Variants in IL24 observed in about 807,000 individuals in gnomAD.
IL24 encodes the protein interleukin-24.
IL24 carries 24 observed loss-of-function variants against 27.6 expected under a neutral mutation model. The observed-to-expected ratio is 0.87, with a 90% CI of 0.63 to 1.22. The LOEUF is 1.22. Among genes scored for constraint, IL24 ranks in the 50% most tolerant of loss-of-function variants. IL24 has a pLI of 0.00. For missense variants in IL24, 240 were observed against 237.0 expected (o/e 1.01, Z -0.08); for synonymous variants, 99 against 93.1 (o/e 1.06, Z -0.36).
At chr1:206,897,903 AG>A in intron 2 of IL24, 27 bp downstream of exon 2, 2 of 1,534,254 alleles carry the variant, frequency 1.3e-6, no homozygotes, top group Non-Finnish European at 1.8e-6. Flanking sequence ...CTGTAATCCC[AG>A]AACTTTGGGA....
In IL24 at chr1:206,897,754, G is replaced by T; in HGVS notation, c.-79G>T. On this transcript the variant is annotated 5_prime_UTR_variant, in exon 2 of 7. Coordinates refer to ENST00000294984, the MANE Select transcript of IL24 (RefSeq NM_006850.3). ...AGGGACAAGACATGACTGTGATGAG[G>T]AGCTGCTTTCGCCAATTTAACACCA... is the stretch of plus-strand genomic sequence containing the variant. 1 of 1,483,958 alleles carries T rather than the reference G, an allele frequency of 6.7e-7. No individual in the cohort carries two copies. The highest frequency in any genetic ancestry group is 1.2e-5 in the South Asian group (1 of 86,600). The allele number at this position is 1,483,958 out of a possible 1,614,324, so 91.9% of individuals were successfully genotyped here. A position where few individuals can be genotyped will look rare whatever the true frequency, so the allele number is the denominator to read the frequency against.
chr1:206,900,358 G>T lies in IL24; in HGVS notation c.303+1G>T. The T allele has an allele frequency of 6.2e-7, 1 of 1,613,984 alleles. No individual in the cohort carries two copies. Among genetic ancestry groups the T allele is most frequent in the Non-Finnish European group, 8.5e-7 (1 of 1,179,870 alleles). ...GCAGGAGGTTCTGCAGAACGTCTCG[G>T]TAATCAGACCTCGGGGACACCACCC... On this transcript the variant is annotated splice_donor_variant, in intron 4 of 6. Transcript: ENST00000294984. LOFTEE classifies it high-confidence loss of function.
Position 206,899,339 on chromosome 1 carries a change from C to A in IL24, c.64C>A (p.Leu22Met), listed in dbSNP as rs758243163. Residue 22 changes from leucine (L) to methionine (M), a missense_variant, in exon 3 of 7, where the codon CTG becomes ATG. Transcript: ENST00000294984. The part of the protein sequence containing the change: ...TLARPFCPPL[L>M]ATASQMQMVV... ...CAGCAGACCCTTCTGCCCTCCTTTG[C>A]TGGCGACAGCCTCTCAAATGCAGAT... 10 of 1,614,010 alleles carry A rather than the reference C, an allele frequency of 6.2e-6. No individual in the cohort carries two copies. The highest frequency in any genetic ancestry group is 8.5e-6 in the Non-Finnish European group (10 of 1,179,944).
At position 206,901,593 on chromosome 1, in the gene IL24, A is replaced by C. The variant is rs745809757; in HGVS notation, c.403A>C (p.Lys135Gln). The C allele has an allele frequency of 6.2e-7, 1 of 1,614,218 alleles. No homozygotes were observed. Among genetic ancestry groups the C allele is most frequent in the Non-Finnish European group, 8.5e-7 (1 of 1,180,030 alleles). ...HNRTVEVRTLKSFSTLANNFV... is the reference protein window; with the variant it reads ...HNRTVEVRTLQSFSTLANNFV... ...TAGAACAGTTGAAGTCAGGACTCTG[A>C]AGTCATTCTCTACTCTGGCCAACAA... Residue 135 changes from lysine to glutamine, a missense_variant, in exon 5 of 7, where the codon AAG (lysine) becomes CAG (glutamine). By Grantham distance (53) the Lys-to-Gln change is moderately conservative (BLOSUM62 1). Transcript: ENST00000294984.
chr1:206,902,060 A>G lies in IL24; in HGVS notation c.525A>G (p.Arg175=). 1.2e-6 allele frequency: 2 copies of G among 1,614,088 alleles called. No individual in the cohort carries two copies. The highest frequency in any genetic ancestry group is 1.1e-5 in the South Asian group (1 of 91,084). The change falls in exon 6 of 7, where the codon AGA becomes AGG. Residue 175 remains arginine (R), a synonymous_variant. Transcript: ENST00000294984. Reference sequence around the variant, plus strand: ...ACAGGCGGTTTCTGCTATTCCGGAGAGCATTCAAACAGGTAAGGCCAAGAG... The same window carrying G: ...ACAGGCGGTTTCTGCTATTCCGGAGGGCATTCAAACAGGTAAGGCCAAGAG... The part of the protein sequence containing the change: ...SAHRRFLLFR[R]AFKQLDVEAA...
intron 6 of IL24, chr1:206,902,393 ACCCCAC>A (rs988709648): frequency 4.2e-5 from 17 of 401,254 alleles, no homozygotes; most frequent in African/African-American, 1.4e-4. Context: ...GAAGGGAGAC[ACCCCAC>A]CCCCACCCCC....
At chr1:206,898,380 C>A (rs1372971342) in intron 2 of IL24, among the ~76,000 whole-genome samples, 1 of 151,032 alleles carries the variant, frequency 6.6e-6, no homozygotes, top group Non-Finnish European at 1.5e-5. Context: ...CCAGTGCCTG[C>A]AGTAAGAAAG....
At position 206,900,327 on chromosome 1, in the gene IL24, G is replaced by C. The variant is rs1244419633; in HGVS notation, c.273G>C (p.Leu91=). The part of the protein sequence containing the change: ...QAQDNITSAR[L]LQQEVLQNVS... ...AGGATAACATCACGAGTGCCCGGCT[G>C]CTGCAGCAGGAGGTTCTGCAGAACG... The change falls in exon 4 of 7, where the codon CTG becomes CTC. Residue 91 remains leucine (L), a synonymous_variant. Transcript: ENST00000294984. 6.2e-7 allele frequency: 1 copy of C among 1,613,984 alleles called. No homozygotes were observed.
intron 5 of IL24, 64 bp downstream of exon 5, chr1:206,901,716 G>T: frequency 7.0e-7 from 1 of 1,424,924 alleles, no homozygotes; most frequent in Non-Finnish European, 9.8e-7. Context: ...CTTCCAATCT[G>T]CTGGGTGACC....
At chr1:206,899,639 C>T in intron 3 of IL24, 124 bp downstream of exon 3, 1 of 748,890 alleles carries the variant, frequency 1.3e-6, no homozygotes, top group Non-Finnish European at 2.0e-6. Flanking sequence ...TTTCCAGTTT[C>T]CCATATAATA....
At chr1:206,898,491 G>A (rs1213950981) in intron 2 of IL24, among the ~76,000 whole-genome samples, 4 of 152,068 alleles carry the variant, frequency 2.6e-5, no homozygotes, top group Admixed American at 6.6e-5. Context: ...TAAGGAGGGA[G>A]GGAGGGAGAG....
chr1:206,898,281 G>C (rs958847201), intron 2 of IL24, among the ~76,000 whole-genome samples: 1 of 151,682 alleles, frequency 6.6e-6, no homozygotes, highest in Non-Finnish European at 1.5e-5. Flanking sequence ...AGGGGTCGCC[G>C]CCTCCCTAGC....
rs759570553 is a variant in IL24, at chr1:206,902,037, A to G, written c.502A>G (p.Arg168Gly). ...GTTTTCCATCAGAGACAGTGCACACAGGCGGTTTCTGCTATTCCGGAGAGC... is the reference window on the plus strand; with the variant it reads ...GTTTTCCATCAGAGACAGTGCACACGGGCGGTTTCTGCTATTCCGGAGAGC... Reference protein sequence around the residue: ...EMFSIRDSAHRRFLLFRRAFK... With the variant: ...EMFSIRDSAHGRFLLFRRAFK... The change falls in exon 6 of 7, where the codon AGG becomes GGG. Residue 168 changes from arginine to glycine, a missense_variant. Coordinates refer to ENST00000294984, the MANE Select transcript of IL24 (RefSeq NM_006850.3). The G allele has an allele frequency of 6.2e-7, 1 of 1,614,146 alleles. No individual in the cohort carries two copies. The highest frequency in any genetic ancestry group is 2.2e-5 in the East Asian group (1 of 44,888).
rs1419956380 is a variant in IL24 at position 206,903,308 on chromosome 1, AT to A, written c.*250del. On this transcript the variant is annotated 3_prime_UTR_variant, in exon 7 of 7. Transcript: ENST00000294984. ...TATTTATTACAACTCTATTTAATTA[AT>A]GTCAGTATTTCAACTGAAGTTCTAT... 1 of 424,396 alleles carries A rather than the reference AT, an allele frequency of 2.4e-6. No homozygotes were observed. The allele number at this position is 424,396 out of a possible 1,614,324, so 26.3% of individuals were successfully genotyped here. A position where few individuals can be genotyped will look rare whatever the true frequency, so the allele number is the denominator to read the frequency against.
At chr1:206,899,568 G>T in intron 3 of IL24, 53 bp downstream of exon 3, 1 of 1,416,838 alleles carries the variant, frequency 7.1e-7, no homozygotes. Context: ...GGGGCAGTGG[G>T]CCAGTGGGGC....
At chr1:206,902,185 C>G in intron 6 of IL24, 113 bp downstream of exon 6, 2 of 1,476,762 alleles carry the variant, frequency 1.4e-6, no homozygotes, top group East Asian at 2.4e-5. Context: ...ACACCATCAG[C>G]TTTGCTCCAA....
At chr1:206,901,385 T>A (rs1473878490) in intron 4 of IL24, 109 bp from the exon 5 acceptor site, 2 of 1,227,294 alleles carry the variant, frequency 1.6e-6, no homozygotes, top group Non-Finnish European at 2.2e-6. Flanking sequence ...TTCTAGAAGA[T>A]CCCTATCTCT....
chr1:206,902,639 G>C (rs914864409), intron 6 of IL24: 1 of 985,278 alleles, frequency 1.0e-6, no homozygotes, highest in Non-Finnish European at 1.2e-6. Flanking sequence ...TGATGGAGAG[G>C]GGCCACCTGG....
intron 2 of IL24, among the ~76,000 whole-genome samples, chr1:206,898,949 C>A (rs1404289973): frequency 6.6e-6 from 1 of 152,174 alleles, no homozygotes. Context: ...TGGGTTTGGG[C>A]TCCCCAGACG....
Sources: allele counts gnomAD v4.1 joint callset (sites outside exome capture counted in the v4.1 genomes callset), GRCh38; gene constraint gnomAD v4.1.1; transcripts MANE v1.5; gene names NCBI Gene and HGNC (gene_info 2026-07-23, HGNC 2026-07-21).